The following MAPK14 variants were observed in gnomAD, a reference collection of about 807,000 sequenced individuals.
The protein encoded by MAPK14 is CSAID-binding protein.
Under a neutral mutation model 49.6 loss-of-function variants are expected in MAPK14, and 16 were observed. The observed-to-expected ratio is 0.32, with a 90% CI of 0.22 to 0.49. The LOEUF is 0.49. Ranked by LOEUF, MAPK14 falls within the 20% of genes least tolerant of loss-of-function variation. MAPK14 has a pLI of 0.99. For synonymous variants in MAPK14, 142 were observed against 158.0 expected, an observed-to-expected ratio of 0.90 and a Z score of 0.76; for missense variants, 200 against 441.2, an observed-to-expected ratio of 0.45 and a Z score of 4.90.
At chr6:36,051,968 C>G (rs1763416987) in intron 1 of MAPK14, among the ~76,000 whole-genome samples, 1 of 152,030 alleles carries the variant, frequency 6.6e-6, no homozygotes, top group East Asian at 1.9e-4. Context: ...TCCTTCTCAG[C>G]TCAGATGTCA....
intron 1 of MAPK14, among the ~76,000 whole-genome samples, chr6:36,044,275 A>C (rs948053720): frequency 8.5e-5 from 13 of 152,198 alleles, no homozygotes; most frequent in African/African-American, 2.9e-4. Context: ...AGAAATTGTA[A>C]AATCACTTAC....
chr6:36,066,952 C>T (rs1172659801), intron 3 of MAPK14, among the ~76,000 whole-genome samples: 3 of 151,932 alleles, frequency 2.0e-5, no homozygotes, highest in South Asian at 4.1e-4. Flanking sequence ...TGAAACTAGG[C>T]TAAGTGCTCA....
chr6:36,034,763 C>CT (rs147404416), intron 1 of MAPK14, among the ~76,000 whole-genome samples: 18,234 of 150,798 alleles, frequency 0.12, 1,219 homozygotes, highest in African/African-American at 0.18. Flanking sequence ...CAGATAATTG[C>CT]TTTTTTTTTG....
chr6:36,122,021 A>G, the MAPK14 span, among the ~76,000 whole-genome samples: 36 of 152,256 alleles, frequency 2.4e-4, no homozygotes, highest in African/African-American at 8.7e-4. Context: ...ATAATAGAAA[A>G]TGAATGTATC....
intron 1 of MAPK14, among the ~76,000 whole-genome samples, chr6:36,043,624 A>G (rs920277566): frequency 6.6e-6 from 1 of 152,134 alleles, no homozygotes; most frequent in East Asian, 1.9e-4. Flanking sequence ...GGTAAAGAGA[A>G]AGTTCCAAGT....
intron 1 of MAPK14, among the ~76,000 whole-genome samples, chr6:36,050,901 T>G (rs930815994): frequency 6.6e-6 from 1 of 152,100 alleles, no homozygotes; most frequent in African/African-American, 2.4e-5. Flanking sequence ...TATAGGAGTT[T>G]ATCACAAATT....
At chr6:36,094,077 T>G (rs1714462998) in intron 8 of MAPK14, among the ~76,000 whole-genome samples, 1 of 152,244 alleles carries the variant, frequency 6.6e-6, no homozygotes, top group Non-Finnish European at 1.5e-5. Context: ...CCCCCATTCC[T>G]ACTCTGTCCC....
At chr6:36,093,997 AT>A (rs561122008) in intron 8 of MAPK14, among the ~76,000 whole-genome samples, 1 of 152,026 alleles carries the variant, frequency 6.6e-6, no homozygotes, top group Non-Finnish European at 1.5e-5. Context: ...ATGAGCAAGA[AT>A]TTTTTTTACT....
At chr6:36,116,983 A>G in the MAPK14 span, among the ~76,000 whole-genome samples, 1 of 152,210 alleles carries the variant, frequency 6.6e-6, no homozygotes, top group African/African-American at 2.4e-5. Flanking sequence ...CATTGGTGTT[A>G]GACAATCCTC....
At chr6:36,124,142 C>T in the MAPK14 span, among the ~76,000 whole-genome samples, 907 of 68,372 alleles carry the variant, frequency 0.013, 9 homozygotes, top group Middle Eastern at 0.042. Flanking sequence ...CTCCCTCCCT[C>T]CCTCCCTCCC....
chr6:36,121,513 C>G, the MAPK14 span, among the ~76,000 whole-genome samples: 2 of 152,086 alleles, frequency 1.3e-5, no homozygotes, highest in Admixed American at 6.5e-5. Context: ...GGAGTGAAGA[C>G]CAGGCCTGAG....
chr6:36,069,806 C>T (rs1215548289), intron 3 of MAPK14, among the ~76,000 whole-genome samples: 1 of 152,098 alleles, frequency 6.6e-6, no homozygotes, highest in Non-Finnish European at 1.5e-5. Context: ...AATAGCTGTA[C>T]TTGAAGTTGC....
the MAPK14 span, among the ~76,000 whole-genome samples, chr6:36,117,402 C>T: frequency 6.6e-6 from 1 of 152,218 alleles, no homozygotes; most frequent in Non-Finnish European, 1.5e-5. Flanking sequence ...CTAGAACCCT[C>T]TTCCTCCTCC....
intron 10 of MAPK14, 58 bp downstream of exon 10, chr6:36,102,707 G>C (rs1316845045): frequency 6.2e-7 from 1 of 1,603,676 alleles, no homozygotes; most frequent in South Asian, 1.1e-5. Context: ...ATATAAATTG[G>C]GGATTTGAAG....
chr6:36,080,352 C>A (rs1410498818), intron 8 of MAPK14, among the ~76,000 whole-genome samples: 1 of 152,144 alleles, frequency 6.6e-6, no homozygotes, highest in Non-Finnish European at 1.5e-5. Context: ...AAACACTCAG[C>A]CCGTGAAACA....
intron 1 of MAPK14, among the ~76,000 whole-genome samples, chr6:36,033,462 G>A (rs1762622184): frequency 6.6e-6 from 1 of 152,020 alleles, no homozygotes; most frequent in Admixed American, 6.6e-5. Context: ...GATTACAAGT[G>A]CGTGCCACCA....
chr6:36,051,126 T>G (rs1763377371), intron 1 of MAPK14, among the ~76,000 whole-genome samples: 1 of 151,952 alleles, frequency 6.6e-6, no homozygotes, highest in African/African-American at 2.4e-5. Context: ...CTATTTTTTT[T>G]TTTTTTTGAG....
At chr6:36,117,145 C>T in the MAPK14 span, among the ~76,000 whole-genome samples, 21 of 152,232 alleles carry the variant, frequency 1.4e-4, no homozygotes, top group African/African-American at 4.3e-4. Flanking sequence ...CTGGGTCTCT[C>T]TCCCTAGTTC....
At chr6:36,099,656 A>G (rs933209646) in intron 9 of MAPK14, among the ~76,000 whole-genome samples, 1 of 152,190 alleles carries the variant, frequency 6.6e-6, no homozygotes, top group African/African-American at 2.4e-5. Flanking sequence ...ACCACTAACT[A>G]ATGTCTTTGA....
Sources: allele counts gnomAD v4.1 joint callset (sites outside exome capture counted in the v4.1 genomes callset), GRCh38; gene constraint gnomAD v4.1.1; transcripts MANE v1.5; gene names NCBI Gene and HGNC (gene_info 2026-07-23, HGNC 2026-07-21).